Variants in CTNND2 observed in about 807,000 individuals in gnomAD.
CTNND2 encodes the protein catenin delta-2.
CTNND2 carries 22 observed loss-of-function variants against 144.4 expected under a neutral mutation model. The ratio of observed to expected loss-of-function variants is 0.15; its 90% CI spans 0.11 to 0.22. The LOEUF (loss-of-function observed/expected upper bound fraction) is 0.22. Ranked by LOEUF, CTNND2 falls within the 10% of genes least tolerant of loss-of-function variation. CTNND2 has a pLI of 1.00. For synonymous variants in CTNND2, 751 were observed against 695.6 expected (o/e 1.08, Z -1.25); for missense variants, 1,353 against 1,618.8 (o/e 0.84, Z 2.82).
intron 16 of CTNND2, among the ~76,000 whole-genome samples, chr5:11,074,102 C>T (rs541403882): frequency 8.5e-5 from 13 of 152,194 alleles, no homozygotes; most frequent in East Asian, 7.7e-4. Flanking sequence ...TTTCCCTGGA[C>T]GGAGGTGGGA....
chr5:11,071,281 T>G (rs1024199913), intron 16 of CTNND2, among the ~76,000 whole-genome samples: 4 of 152,186 alleles, frequency 2.6e-5, no homozygotes, highest in African/African-American at 9.7e-5. Flanking sequence ...CTCATGCCTG[T>G]AATCCCAGCA....
intron 2 of CTNND2, among the ~76,000 whole-genome samples, chr5:11,653,934 G>C (rs1782782234): frequency 6.6e-6 from 1 of 151,880 alleles, no homozygotes; most frequent in Non-Finnish European, 1.5e-5. Flanking sequence ...TTAAGATTAA[G>C]GGTTCAATTT....
intron 9 of CTNND2, among the ~76,000 whole-genome samples, chr5:11,323,600 C>G (rs920880035): frequency 2.6e-5 from 4 of 152,154 alleles, no homozygotes; most frequent in African/African-American, 9.7e-5. Context: ...GGGAGCAGAA[C>G]AGATTCAGGG....
intron 8 of CTNND2, among the ~76,000 whole-genome samples, chr5:11,360,032 A>G (rs188529376): frequency 6.6e-6 from 1 of 152,292 alleles, no homozygotes; most frequent in Non-Finnish European, 1.5e-5. Context: ...ATGGCTAGGT[A>G]GCTTTTTGGG....
At chr5:11,003,102 T>A (rs1740122091) in intron 18 of CTNND2, among the ~76,000 whole-genome samples, 1 of 152,204 alleles carries the variant, frequency 6.6e-6, no homozygotes, top group Admixed American at 6.5e-5. Flanking sequence ...CACAGACTAT[T>A]TGGTACTGAA....
chr5:11,306,208 A>G (rs1200461541), intron 9 of CTNND2, among the ~76,000 whole-genome samples: 1 of 152,228 alleles, frequency 6.6e-6, no homozygotes, highest in Non-Finnish European at 1.5e-5. Flanking sequence ...ACAATAGAAG[A>G]GGCAAGAGAT....
intron 8 of CTNND2, among the ~76,000 whole-genome samples, chr5:11,351,784 T>C (rs1477255518): frequency 6.6e-6 from 1 of 152,134 alleles, no homozygotes; most frequent in African/African-American, 2.4e-5. Context: ...CATATACAGA[T>C]AAATATGAAA....
chr5:11,794,989 C>G (rs1581896588), intron 1 of CTNND2, among the ~76,000 whole-genome samples: 1 of 152,270 alleles, frequency 6.6e-6, no homozygotes, highest in East Asian at 1.9e-4. Context: ...ACCATATTTT[C>G]CCATGTATTT....
intron 9 of CTNND2, among the ~76,000 whole-genome samples, chr5:11,253,835 G>A (rs1743924282): frequency 6.6e-6 from 1 of 152,158 alleles, no homozygotes; most frequent in African/African-American, 2.4e-5. Flanking sequence ...CCAAAAGGGA[G>A]TTGCTAAGCC....
chr5:11,559,928 G>T (rs1214032308), intron 3 of CTNND2, among the ~76,000 whole-genome samples: 2 of 152,150 alleles, frequency 1.3e-5, no homozygotes, highest in African/African-American at 4.8e-5. Flanking sequence ...CCATCTGCAG[G>T]GATGGTCACC....
At chr5:11,110,212 G>A (rs1752821762) in intron 14 of CTNND2, among the ~76,000 whole-genome samples, 1 of 152,114 alleles carries the variant, frequency 6.6e-6, no homozygotes, top group South Asian at 2.1e-4. Context: ...AGCGGCCTTC[G>A]TTTTGCTGCA....
intron 9 of CTNND2, among the ~76,000 whole-genome samples, chr5:11,274,397 C>A (rs1746319549): frequency 6.6e-6 from 1 of 152,076 alleles, no homozygotes; most frequent in Non-Finnish European, 1.5e-5. Context: ...TATGAAAGGA[C>A]CATCTTATTA....
intron 2 of CTNND2, among the ~76,000 whole-genome samples, chr5:11,731,454 T>C (rs1173420786): frequency 6.6e-6 from 1 of 152,184 alleles, no homozygotes; most frequent in Non-Finnish European, 1.5e-5. Context: ...TTAAAAACCG[T>C]TATACTTTCT....
chr5:11,161,004 C>T (rs2023917), intron 11 of CTNND2, among the ~76,000 whole-genome samples: 5,552 of 152,154 alleles, frequency 0.036, 315 homozygotes, highest in African/African-American at 0.12. Flanking sequence ...TTTAGAAATA[C>T]CATTTACTGG....
At chr5:11,417,719 A>G (rs1197023103) in intron 3 of CTNND2, among the ~76,000 whole-genome samples, 9 of 152,182 alleles carry the variant, frequency 5.9e-5, no homozygotes, top group Non-Finnish European at 1.0e-4. Context: ...TTAGTGAAAC[A>G]CACAGGTGAC....
intron 11 of CTNND2, among the ~76,000 whole-genome samples, chr5:11,198,734 G>GT (rs1737121671): frequency 6.6e-6 from 1 of 152,212 alleles, no homozygotes; most frequent in Admixed American, 6.5e-5. Flanking sequence ...TTGAAATGCT[G>GT]TATTGAGGCC....
chr5:11,183,564 T>G (rs1735326103), intron 11 of CTNND2, among the ~76,000 whole-genome samples: 1 of 151,622 alleles, frequency 6.6e-6, no homozygotes, highest in South Asian at 2.1e-4. Flanking sequence ...TTTTTTGGTT[T>G]TTTTTTTTTT....
At chr5:11,667,229 G>A (rs530090033) in intron 2 of CTNND2, among the ~76,000 whole-genome samples, 3 of 151,682 alleles carry the variant, frequency 2.0e-5, no homozygotes, top group South Asian at 2.1e-4. Context: ...ATAAACATAC[G>A]TGTGTGTGTG....
chr5:11,140,522 T>C (rs1210032081), intron 12 of CTNND2, among the ~76,000 whole-genome samples: 2 of 152,258 alleles, frequency 1.3e-5, no homozygotes, highest in Non-Finnish European at 2.9e-5. Context: ...TTACCTGTAA[T>C]AATCTAATAA....
Sources: gnomAD v4.1 joint callset for allele counts (sites outside exome capture counted in the v4.1 genomes callset) on GRCh38, gnomAD v4.1.1 for gene constraint, MANE v1.5 for transcripts, NCBI Gene and HGNC (gene_info 2026-07-23, HGNC 2026-07-21) for gene names.